Variants in AFF3 observed in about 807,000 individuals in gnomAD.
The protein encoded by AFF3 is ALF transcription elongation factor 3, also known as AF4/FMR2 family member 3.
AFF3 carries 32 observed loss-of-function variants against 129.7 expected under a neutral mutation model. That is an observed-to-expected ratio of 0.25 (90% CI 0.19 to 0.33). AFF3 has a LOEUF of 0.33. Ranked by LOEUF, AFF3 falls within the 10% of genes least tolerant of loss-of-function variation. The pLI is 1.00. For missense variants in AFF3, 1,373 were observed against 1,592.0 expected, an observed-to-expected ratio of 0.86 and a Z score of 2.34; for synonymous variants, 644 against 635.4, an observed-to-expected ratio of 1.01 and a Z score of -0.20.
intron 14 of AFF3, among the ~76,000 whole-genome samples, chr2:99,598,521 C>T (rs1463273253): frequency 2.0e-5 from 3 of 152,228 alleles, no homozygotes; most frequent in Non-Finnish European, 2.9e-5. Flanking sequence ...TCAACACACA[C>T]AGCCAGAAAG....
intron 7 of AFF3, among the ~76,000 whole-genome samples, chr2:99,901,342 C>A (rs1694330403): frequency 6.6e-6 from 1 of 152,234 alleles, no homozygotes; most frequent in South Asian, 2.1e-4. Flanking sequence ...CTAAACATCA[C>A]TGCAGCTTTG....
At chr2:99,925,580 T>C (rs1307827304) in intron 7 of AFF3, among the ~76,000 whole-genome samples, 3 of 152,192 alleles carry the variant, frequency 2.0e-5, no homozygotes, top group African/African-American at 7.2e-5. Flanking sequence ...CTTAGGCAGA[T>C]GAAAGAACAA....
chr2:100,141,419 C>G (rs11679078), intron 1 of AFF3, among the ~76,000 whole-genome samples: 34,802 of 152,130 alleles, frequency 0.23, 4,339 homozygotes, highest in East Asian at 0.5. Flanking sequence ...TGGGATAGCC[C>G]TAGGTAAAGG....
intron 11 of AFF3, among the ~76,000 whole-genome samples, chr2:99,689,361 T>C (rs754859811): frequency 3.3e-5 from 5 of 152,168 alleles, no homozygotes; most frequent in Non-Finnish European, 5.9e-5. Context: ...TCCACTTCTC[T>C]GAGTCTCGGC....
chr2:99,837,059 T>C (rs951410548), intron 8 of AFF3, among the ~76,000 whole-genome samples: 2 of 152,172 alleles, frequency 1.3e-5, no homozygotes, highest in African/African-American at 4.8e-5. Context: ...ATCCTGAACA[T>C]TACCTCTTTG....
chr2:100,015,003 A>C (rs1005117834), intron 4 of AFF3, among the ~76,000 whole-genome samples: 2 of 135,418 alleles, frequency 1.5e-5, no homozygotes, highest in Non-Finnish European at 3.0e-5. Context: ...ACAGGGTTTC[A>C]GGACGTTAGC....
chr2:99,873,879 T>A (rs1692064006), intron 7 of AFF3, among the ~76,000 whole-genome samples: 1 of 152,050 alleles, frequency 6.6e-6, no homozygotes, highest in African/African-American at 2.4e-5. Flanking sequence ...ACTAGACTTC[T>A]CTTTAAGAAG....
intron 7 of AFF3, among the ~76,000 whole-genome samples, chr2:99,968,722 G>A (rs1559019814): frequency 6.6e-6 from 1 of 152,122 alleles, no homozygotes; most frequent in Non-Finnish European, 1.5e-5. Flanking sequence ...GGGGACAAAT[G>A]GCCCATGGTT....
At chr2:99,877,193 AG>A (rs1479733403) in intron 7 of AFF3, among the ~76,000 whole-genome samples, 4 of 152,244 alleles carry the variant, frequency 2.6e-5, no homozygotes, top group Non-Finnish European at 5.9e-5. Context: ...CATGGTAGCC[AG>A]CATGGAAATG....
intron 7 of AFF3, among the ~76,000 whole-genome samples, chr2:99,998,393 G>C (rs981909817): frequency 6.6e-6 from 1 of 152,092 alleles, no homozygotes; most frequent in Non-Finnish European, 1.5e-5. Flanking sequence ...GCATGTAGCA[G>C]CATGAGCCTC....
intron 14 of AFF3, among the ~76,000 whole-genome samples, chr2:99,595,997 G>C (rs1331684715): frequency 6.6e-6 from 1 of 152,214 alleles, no homozygotes; most frequent in African/African-American, 2.4e-5. Flanking sequence ...GAGGATGAAG[G>C]CCCCTTCCCT....
chr2:99,945,588 C>T (rs1675483161), intron 7 of AFF3, among the ~76,000 whole-genome samples: 1 of 152,172 alleles, frequency 6.6e-6, no homozygotes. Flanking sequence ...TTACCTCCTG[C>T]TATCTAGCAG....
At chr2:100,030,650 C>G (rs1383954993) in intron 4 of AFF3, among the ~76,000 whole-genome samples, 2 of 152,130 alleles carry the variant, frequency 1.3e-5, no homozygotes, top group African/African-American at 2.4e-5. Context: ...GTGGTATATC[C>G]ATAATGGAAT....
intron 7 of AFF3, among the ~76,000 whole-genome samples, chr2:99,950,435 T>C (rs1676041142): frequency 6.6e-6 from 1 of 152,188 alleles, no homozygotes; most frequent in South Asian, 2.1e-4. Context: ...GGGTTGAATC[T>C]GAACATTCTC....
intron 7 of AFF3, among the ~76,000 whole-genome samples, chr2:99,945,985 C>T (rs1675525589): frequency 1.3e-5 from 2 of 152,188 alleles, no homozygotes; most frequent in Admixed American, 6.5e-5. Context: ...TGTGCAAAGC[C>T]AGTTAACTAA....
At chr2:99,621,113 C>G (rs997840762) in intron 13 of AFF3, among the ~76,000 whole-genome samples, 1 of 152,210 alleles carries the variant, frequency 6.6e-6, no homozygotes, top group Non-Finnish European at 1.5e-5. Context: ...GAATTTCCAA[C>G]TAGAAGCTGT....
At chr2:99,582,101 C>T (rs963098806) in intron 17 of AFF3, among the ~76,000 whole-genome samples, 9 of 152,034 alleles carry the variant, frequency 5.9e-5, no homozygotes, top group East Asian at 1.9e-4. Context: ...GCGATCCGCC[C>T]GCCGCAGCCT....
intron 7 of AFF3, among the ~76,000 whole-genome samples, chr2:99,969,935 G>C (rs1678185937): frequency 6.6e-6 from 1 of 152,164 alleles, no homozygotes; most frequent in Non-Finnish European, 1.5e-5. Context: ...TCAGAAAAGT[G>C]TCCCACATTT....
chr2:99,796,642 C>G (rs1470927870), intron 8 of AFF3, among the ~76,000 whole-genome samples: 2 of 152,166 alleles, frequency 1.3e-5, no homozygotes, highest in Non-Finnish European at 2.9e-5. Flanking sequence ...GCTCAGGACA[C>G]AAGAGCGGAG....
Sources: gnomAD v4.1 joint callset for allele counts (sites outside exome capture counted in the v4.1 genomes callset) on GRCh38, gnomAD v4.1.1 for gene constraint, MANE v1.5 for transcripts, NCBI Gene and HGNC (gene_info 2026-07-23, HGNC 2026-07-21) for gene names.